Variants in ESR1 observed in about 807,000 individuals in gnomAD.
The protein encoded by ESR1 is estrogen receptor.
Under a neutral mutation model 52.7 loss-of-function variants are expected in ESR1, and 12 were observed. The ratio of observed to expected loss-of-function variants is 0.23; its 90% confidence interval spans 0.15 to 0.37. The LOEUF (loss-of-function observed/expected upper bound fraction) is 0.37, where lower values mean the gene tolerates loss of function less well. Ranked by LOEUF, ESR1 falls within the 10% of genes least tolerant of loss-of-function variation. The pLI, the probability that ESR1 is intolerant of heterozygous loss-of-function variation, is 1.00. For missense variants in ESR1, 584 were observed against 779.7 expected, an observed-to-expected ratio of 0.75 and a Z score of 2.99; for synonymous variants, 305 against 316.8, an observed-to-expected ratio of 0.96 and a Z score of 0.39.
intron 4 of ESR1, among the ~76,000 whole-genome samples, chr6:151,992,225 A>C (rs1230650467): frequency 2.0e-5 from 3 of 152,180 alleles, no homozygotes; most frequent in African/African-American, 7.2e-5. Context: ...CGTTAAGTGC[A>C]TTCACACTGT....
At chr6:151,872,798 T>C (rs947345418) in intron 2 of ESR1, among the ~76,000 whole-genome samples, 9 of 152,178 alleles carry the variant, frequency 5.9e-5, no homozygotes, top group African/African-American at 1.7e-4. Flanking sequence ...AGACACTAGG[T>C]ACTGCAGAAA....
chr6:152,088,067 A>G (rs989817239), intron 6 of ESR1, among the ~76,000 whole-genome samples: 2 of 152,222 alleles, frequency 1.3e-5, no homozygotes, highest in Admixed American at 6.5e-5. Flanking sequence ...TGAAACAAAT[A>G]GGTAATAATT....
At chr6:151,906,474 A>G (rs905201132) in intron 3 of ESR1, among the ~76,000 whole-genome samples, 8 of 151,880 alleles carry the variant, frequency 5.3e-5, no homozygotes, top group Admixed American at 1.3e-4. Context: ...ATATTTAATG[A>G]AAATGAACTA....
Position 151,738,374 on chromosome 6 carries a change from A to G in ESR1, c.-71+36369A>G, listed in dbSNP as rs577945644. Among the ~76,000 whole-genome samples the G allele has an allele frequency of 6.6e-5, 10 of 152,294 alleles. No homozygotes were observed. In the East Asian group the frequency reaches 1.5e-3, roughly 23 times the overall value. On this transcript the variant is annotated intron_variant, in intron 2 of 2. Transcript: ENST00000404742. ...CCCTGCTTTCAATTATTTTGGGTATATGTCCAGAAGTGGAATTGTTGGATC... is the reference window on the plus strand; with the variant it reads ...CCCTGCTTTCAATTATTTTGGGTATGTGTCCAGAAGTGGAATTGTTGGATC...
At chr6:151,999,385 A>G (rs1383459877) in intron 4 of ESR1, among the ~76,000 whole-genome samples, 1 of 152,136 alleles carries the variant, frequency 6.6e-6, no homozygotes, top group East Asian at 1.9e-4. Flanking sequence ...GTGAGTCATC[A>G]TCGACAGTGA....
intron 3 of ESR1, among the ~76,000 whole-genome samples, chr6:151,918,257 C>T (rs951719791): frequency 6.6e-6 from 1 of 152,232 alleles, no homozygotes. Context: ...GGAGAACCCA[C>T]ATTGGGCTTG....
chr6:151,729,305 G>A (rs2128037104), intron 2 of ESR1, among the ~76,000 whole-genome samples: 1 of 152,198 alleles, frequency 6.6e-6, no homozygotes, highest in South Asian at 2.1e-4. Context: ...CTTGGCCTTG[G>A]ACTTCCCAGC....
At chr6:151,863,435 GCTCT>G (rs1789259857) in intron 2 of ESR1, among the ~76,000 whole-genome samples, 1 of 151,886 alleles carries the variant, frequency 6.6e-6, no homozygotes, top group South Asian at 2.1e-4. Flanking sequence ...TCATGATTTG[GCTCT>G]CTGTTTGTCT....
intron 3 of ESR1, among the ~76,000 whole-genome samples, chr6:151,883,559 C>G (rs1219345909): frequency 6.6e-6 from 1 of 151,964 alleles, no homozygotes; most frequent in African/African-American, 2.4e-5. Context: ...GGAGTCCACC[C>G]TTATGACCTC....
intron 5 of ESR1, among the ~76,000 whole-genome samples, chr6:152,015,839 T>C (rs2043126688): frequency 6.6e-6 from 1 of 152,154 alleles, no homozygotes; most frequent in Non-Finnish European, 1.5e-5. Context: ...AATTTCGCCA[T>C]TTGGAATTTC....
chr6:151,780,311 A>G (rs1221625030), intron 2 of ESR1, among the ~76,000 whole-genome samples: 1 of 152,162 alleles, frequency 6.6e-6, no homozygotes, highest in East Asian at 1.9e-4. Flanking sequence ...TACCTATGTA[A>G]CGAACCTGCA....
At chr6:152,042,287 AG>A (rs1204937101) in intron 5 of ESR1, among the ~76,000 whole-genome samples, 2 of 152,218 alleles carry the variant, frequency 1.3e-5, no homozygotes, top group East Asian at 3.9e-4. Flanking sequence ...AAATGACCAC[AG>A]GATGAGTCTG....
At chr6:151,816,346 G>T (rs1305137042) in intron 1 of ESR1, among the ~76,000 whole-genome samples, 4 of 152,174 alleles carry the variant, frequency 2.6e-5, no homozygotes, top group Non-Finnish European at 5.9e-5. Context: ...CTATTCTGGC[G>T]TGACTCCTGT....
intron 5 of ESR1, among the ~76,000 whole-genome samples, chr6:152,029,617 G>A (rs9479165): frequency 6.6e-6 from 1 of 152,174 alleles, no homozygotes; most frequent in Non-Finnish European, 1.5e-5. Context: ...AATGAACAAA[G>A]CCTCCAAGAA....
intron 1 of ESR1, among the ~76,000 whole-genome samples, chr6:151,669,006 G>A (rs1777925512): frequency 6.6e-6 from 1 of 151,936 alleles, no homozygotes. Context: ...AATTTGGAAA[G>A]GCAGGTTGTG....
intron 2 of ESR1, among the ~76,000 whole-genome samples, chr6:151,870,225 T>C (rs1019277437): frequency 2.0e-5 from 3 of 152,168 alleles, no homozygotes; most frequent in Non-Finnish European, 4.4e-5. Context: ...CTGGAGTATG[T>C]GGAAAGGTTT....
chr6:151,832,125 A>T (rs1229849127), intron 1 of ESR1, among the ~76,000 whole-genome samples: 2 of 152,266 alleles, frequency 1.3e-5, no homozygotes, highest in African/African-American at 4.8e-5. Flanking sequence ...AGATAGATGT[A>T]TTAAGTTTTC....
At chr6:151,846,679 A>C (rs967932410) in intron 2 of ESR1, among the ~76,000 whole-genome samples, 4 of 152,254 alleles carry the variant, frequency 2.6e-5, no homozygotes, top group African/African-American at 9.6e-5. Context: ...TACTTAGTGT[A>C]CAAACTTGAT....
At chr6:151,797,532 C>A (rs756501771) in intron 2 of ESR1, among the ~76,000 whole-genome samples, 1 of 152,226 alleles carries the variant, frequency 6.6e-6, no homozygotes, top group Non-Finnish European at 1.5e-5. Context: ...TTGGAATACT[C>A]TCTCCTCATT....
Sources: gnomAD v4.1 joint callset for allele counts (sites outside exome capture counted in the v4.1 genomes callset) on GRCh38, gnomAD v4.1.1 for gene constraint, MANE v1.5 for transcripts, NCBI Gene and HGNC (gene_info 2026-07-23, HGNC 2026-07-21) for gene names.